ZNF485: variants seen among roughly 807,000 people sequenced by gnomAD.
ZNF485 encodes the protein zinc finger protein 485.
ZNF485 carries 9 observed loss-of-function variants against 10.8 expected under a neutral mutation model. The observed-to-expected ratio is 0.83, with a 90% confidence interval of 0.50 to 1.45. The LOEUF is 1.45. Among genes scored for constraint, ZNF485 ranks in the 40% most tolerant of loss-of-function variants. The pLI is 0.00. For synonymous variants in ZNF485, 187 were observed against 181.0 expected, an observed-to-expected ratio of 1.03 and a Z score of -0.27; for missense variants, 487 against 528.0, an observed-to-expected ratio of 0.92 and a Z score of 0.76.
At position 43,617,424 on chromosome 10, in the gene ZNF485, T is replaced by G; in HGVS notation, c.*55T>G. The G allele has an allele frequency of 8.0e-7, 1 of 1,249,056 alleles. No individual in the cohort carries two copies. Among genetic ancestry groups the G allele is most frequent in the Non-Finnish European group, 1.1e-6 (1 of 902,208 alleles). 77.4% of individuals were successfully genotyped at this position (1,249,056 alleles called of 1,614,324 possible). Reference sequence around the variant, plus strand: ...CTTCTGACCATCATAGAGGAGACATTAAATAAATTATGCATTTAACAGAAA... The same window carrying G: ...CTTCTGACCATCATAGAGGAGACATGAAATAAATTATGCATTTAACAGAAA... On this transcript the variant is annotated 3_prime_UTR_variant, in exon 5 of 5. Coordinates refer to ENST00000361807, the MANE Select transcript of ZNF485 (RefSeq NM_145312.4).
Position 43,617,109 on chromosome 10 carries a change from T to C in ZNF485, c.1066T>C (p.Cys356Arg), listed in dbSNP as rs1409965073. ...TCACAGTGGAAATAAACCGTATCAG[T>C]GTCGTGACTGTGGGAAGGCCTTTAC... ...KTHSGNKPYQ[C>R]RDCGKAFTKS... Residue 356 changes from cysteine to arginine, a missense_variant, in exon 5 of 5, where the codon TGT becomes CGT. Coordinates refer to ENST00000361807, the MANE Select transcript of ZNF485 (RefSeq NM_145312.4). 3 of 1,614,102 alleles carry C rather than the reference T, an allele frequency of 1.9e-6. No individual in the cohort carries two copies. Among genetic ancestry groups the C allele is most frequent in the Non-Finnish European group, 2.5e-6 (3 of 1,180,034 alleles).
Position 43,607,505 on chromosome 10 carries a change from C to T in ZNF485, c.24+431C>T, listed in dbSNP as rs186026838. The T allele has an allele frequency of 4.1e-5, 7 of 172,702 alleles. No homozygotes were observed. The East Asian group carries it at 1.1e-3, about 27-fold the overall frequency. 10.7% of individuals were successfully genotyped at this position (172,702 alleles called of 1,614,324 possible). A position where few individuals can be genotyped will look rare whatever the true frequency, so the allele number is the denominator to read the frequency against. ...GGGGAAAGCGCTGCCTGAATGAAGT[C>T]ATTATGGCGGGACCATGAACAAACT... On this transcript the variant is annotated intron_variant, in intron 2 of 4. Coordinates refer to ENST00000361807, the MANE Select transcript of ZNF485 (RefSeq NM_145312.4).
chr10:43,607,592 T>C (rs1404462689), intron 2 of ZNF485, among the ~76,000 whole-genome samples: 1 of 152,192 alleles, frequency 6.6e-6, no homozygotes, highest in Non-Finnish European at 1.5e-5. Context: ...GCTTTTATCC[T>C]GGAGAAAACT....
chr10:43,607,190 C>T, intron 2 of ZNF485, 116 bp downstream of exon 2: 2 of 1,233,648 alleles, frequency 1.6e-6, no homozygotes, highest in Non-Finnish European at 2.3e-6. Context: ...CGAACCAATC[C>T]TGGATGGGTC....
chr10:43,608,879 G>A, intron 3 of ZNF485, 139 bp downstream of exon 3: 3 of 1,225,036 alleles, frequency 2.4e-6, no homozygotes, highest in Non-Finnish European at 1.1e-6. Context: ...GGGCTTAGAG[G>A]CTGGAGTTTA....
At chr10:43,611,412 C>T (rs1838765889) in intron 4 of ZNF485, among the ~76,000 whole-genome samples, 1 of 151,936 alleles carries the variant, frequency 6.6e-6, no homozygotes, top group Non-Finnish European at 1.5e-5. Context: ...TTATGGATGT[C>T]CTATAATTTA....
chr10:43,610,708 A>T (rs1175793749), intron 4 of ZNF485, among the ~76,000 whole-genome samples: 5 of 152,000 alleles, frequency 3.3e-5, no homozygotes, highest in African/African-American at 1.2e-4. Flanking sequence ...AGACTTCACA[A>T]CCAGTCAGTA....
intron 4 of ZNF485, among the ~76,000 whole-genome samples, chr10:43,611,542 T>C (rs1588840547): frequency 6.6e-6 from 1 of 152,204 alleles, no homozygotes; most frequent in Non-Finnish European, 1.5e-5. Flanking sequence ...ATAAGAATTG[T>C]TAAAGGTTAA....
chr10:43,616,734 A>T lies in ZNF485; in HGVS notation c.691A>T (p.Ser231Cys). ...KTFRKNSILLSHQRIHTGQKP... is the reference protein window; with the variant it reads ...KTFRKNSILLCHQRIHTGQKP... ...TTTCAGAAAGAACTCAATCCTTTTA[A>T]GTCATCAGAGAATTCATACTGGCCA... The change falls in exon 5 of 5, where the codon AGT becomes TGT. Residue 231 changes from serine to cysteine, a missense_variant. By Grantham distance (112) the Ser-to-Cys change is moderately radical. Transcript: ENST00000361807. The T allele has an allele frequency of 6.2e-7, 1 of 1,614,104 alleles. No individual in the cohort carries two copies. Among genetic ancestry groups the T allele is most frequent in the East Asian group, 2.2e-5 (1 of 44,882 alleles).
intron 2 of ZNF485, chr10:43,607,300 A>G: frequency 1.6e-6 from 1 of 609,568 alleles, no homozygotes; most frequent in East Asian, 2.7e-5. Flanking sequence ...AGTGCTTTGC[A>G]AACTGGCAGA....
Position 43,616,948 on chromosome 10 carries a change from A to C in ZNF485, c.905A>C (p.Glu302Ala). The C allele has an allele frequency of 1.2e-6, 2 of 1,614,178 alleles. No individual in the cohort carries two copies. The highest frequency in any genetic ancestry group is 1.7e-6 in the Non-Finnish European group (2 of 1,180,048). The change falls in exon 5 of 5, where the codon GAA (glutamate) becomes GCA (alanine). Residue 302 changes from glutamate (E) to alanine (A), a missense_variant. Transcript: ENST00000361807. ...HTGEKPYQCNECGKAFRKSST... is the reference protein window; with the variant it reads ...HTGEKPYQCNACGKAFRKSST... ...GGTGAGAAGCCATATCAGTGTAATG[A>C]ATGTGGAAAAGCCTTTAGGAAGAGC...
chr10:43,614,477 G>C (rs1046479404), intron 4 of ZNF485, among the ~76,000 whole-genome samples: 5 of 152,012 alleles, frequency 3.3e-5, no homozygotes, highest in African/African-American at 1.2e-4. Context: ...TTTCTGTAGA[G>C]ATGGAGACTT....
At chr10:43,614,903 C>G (rs1838826957) in intron 4 of ZNF485, among the ~76,000 whole-genome samples, 1 of 152,080 alleles carries the variant, frequency 6.6e-6, no homozygotes, top group Non-Finnish European at 1.5e-5. Context: ...TCTCCTCTTC[C>G]TCACTGCTTT....
chr10:43,615,810 C>T (rs1027950867), intron 4 of ZNF485, among the ~76,000 whole-genome samples: 1 of 152,102 alleles, frequency 6.6e-6, no homozygotes, highest in Admixed American at 6.5e-5. Flanking sequence ...CTTTTTTCCA[C>T]TGAGCAATTA....
rs1400587402 is a variant in ZNF485 at position 43,617,698 on chromosome 10, A to G, written c.*329A>G. The G allele has an allele frequency of 4.9e-6, 1 of 204,774 alleles. No homozygotes were observed. The highest frequency in any genetic ancestry group is 2.3e-5 in the African/African-American group (1 of 43,446). The allele number at this position is 204,774 out of a possible 1,614,324, so 12.7% of individuals were successfully genotyped here. ...TTAAGCCCAGGAGTTTGAGTCTGTA[A>G]TGCACTATGATTGTGCATGTGAATA... is the stretch of plus-strand genomic sequence containing the variant. On this transcript the variant is annotated 3_prime_UTR_variant, in exon 5 of 5. Coordinates refer to ENST00000361807, the MANE Select transcript of ZNF485 (RefSeq NM_145312.4).
In ZNF485 at chr10:43,607,315, G is replaced by GA. The variant is rs1838671274; in HGVS notation, c.24+248dup. The GA allele has an allele frequency of 1.0e-4, 61 of 597,998 alleles. No individual in the cohort carries two copies. The South Asian group carries it at 1.2e-3, about 12-fold the overall frequency. 37.0% of individuals were successfully genotyped at this position (597,998 alleles called of 1,614,324 possible). A position where few individuals can be genotyped will look rare whatever the true frequency, so the allele number is the denominator to read the frequency against. On this transcript the variant is annotated intron_variant, in intron 2 of 4. Transcript: ENST00000361807. ...AGTGCTTTGCAAACTGGCAGACGATGAAAAAAATACACGTTAGCATGTAAA... is the reference window on the plus strand; with the variant it reads ...AGTGCTTTGCAAACTGGCAGACGATGAAAAAAAATACACGTTAGCATGTAAA...
At chr10:43,613,358 T>A (rs1838800929) in intron 4 of ZNF485, among the ~76,000 whole-genome samples, 1 of 152,066 alleles carries the variant, frequency 6.6e-6, no homozygotes, top group Non-Finnish European at 1.5e-5. Context: ...TAATTTTTGG[T>A]CTGGCTTATG....
chr10:43,617,186 C>A lies in ZNF485; in HGVS notation c.1143C>A (p.Pro381=). Residue 381 remains proline, a synonymous_variant, in exon 5 of 5, where the codon CCC becomes CCA. Coordinates refer to ENST00000361807, the MANE Select transcript of ZNF485 (RefSeq NM_145312.4). ...AGAGAATTCATACTGGAGAAAAACC[C>A]TATCACTGTAAGAAATGTGGGAAAG... ...GHQRIHTGEK[P]YHCKKCGKAF... is the part of the protein sequence containing the mutation. 1 of 1,614,196 alleles carries A rather than the reference C, an allele frequency of 6.2e-7. No individual in the cohort carries two copies. The highest frequency in any genetic ancestry group is 8.5e-7 in the Non-Finnish European group (1 of 1,180,030).
chr10:43,607,036 C>G lies in ZNF485; in HGVS notation c.-15C>G. On this transcript the variant is annotated 5_prime_UTR_variant, in exon 2 of 5. Transcript: ENST00000361807. ...GATTCTCAGCCCTTGCCTGGGAGAA[C>G]AGTTCAGGAGACAGATGGCCCCAAG... 6.4e-7 allele frequency: 1 copy of G among 1,551,836 alleles called. No individual in the cohort carries two copies. Among genetic ancestry groups the G allele is most frequent in the Non-Finnish European group, 8.7e-7 (1 of 1,147,028 alleles).
Sources: allele counts gnomAD v4.1 joint callset (sites outside exome capture counted in the v4.1 genomes callset), GRCh38; gene constraint gnomAD v4.1.1; transcripts MANE v1.5; gene names NCBI Gene and HGNC (gene_info 2026-07-23, HGNC 2026-07-21).